SCAP: variants seen among roughly 807,000 people sequenced by gnomAD.
The protein encoded by SCAP is SREBF chaperone, also known as sterol regulatory element-binding protein cleavage-activating protein.
Under a neutral mutation model 123.6 loss-of-function variants are expected in SCAP, and 65 were observed. The observed-to-expected ratio is 0.53, with a 90% CI of 0.43 to 0.65. The LOEUF (loss-of-function observed/expected upper bound fraction) is 0.65, where lower values mean the gene tolerates loss of function less well. SCAP is among the 30% of genes least tolerant of loss of function. The pLI, the probability that SCAP is intolerant of heterozygous loss-of-function variation, is 0.00. For synonymous variants in SCAP, 740 were observed against 726.3 expected, an observed-to-expected ratio of 1.02 and a Z score of -0.30; for missense variants, 1,398 against 1,712.5, an observed-to-expected ratio of 0.82 and a Z score of 3.24.
chr3:47,430,922 A>G (rs1436392882), intron 3 of SCAP, among the ~76,000 whole-genome samples: 1 of 152,206 alleles, frequency 6.6e-6, no homozygotes, highest in Non-Finnish European at 1.5e-5. Flanking sequence ...GTTACAGCAT[A>G]GGCAAGGGCC....
intron 1 of SCAP, among the ~76,000 whole-genome samples, chr3:47,447,518 T>C (rs1707087890): frequency 6.6e-6 from 1 of 151,904 alleles, no homozygotes; most frequent in Non-Finnish European, 1.5e-5. Flanking sequence ...TGAAACCTCT[T>C]CTCTACTAAA....
chr3:47,445,437 G>C (rs1706996784), intron 1 of SCAP, among the ~76,000 whole-genome samples: 1 of 151,688 alleles, frequency 6.6e-6, no homozygotes. Flanking sequence ...TAGTAGAAAT[G>C]GGATTTCATC....
chr3:47,415,705 G>A (rs1296846059), intron 18 of SCAP, among the ~76,000 whole-genome samples: 2 of 152,198 alleles, frequency 1.3e-5, no homozygotes, highest in Non-Finnish European at 2.9e-5. Context: ...GACAGGCAGG[G>A]ATGGGTATAT....
At chr3:47,415,578 G>A (rs922676751) in intron 18 of SCAP, among the ~76,000 whole-genome samples, 3 of 152,092 alleles carry the variant, frequency 2.0e-5, no homozygotes, top group Admixed American at 2.0e-4. Context: ...TGGGTGTTGC[G>A]GAAGCCTGCA....
intron 1 of SCAP, among the ~76,000 whole-genome samples, chr3:47,467,192 A>T (rs959266682): frequency 1.3e-5 from 2 of 152,208 alleles, no homozygotes; most frequent in African/African-American, 4.8e-5. Context: ...CACAAATCAT[A>T]TATCTAACAA....
At position 47,475,894 on chromosome 3, in the gene SCAP, A is replaced by T. The variant is rs1227706561; in HGVS notation, c.-194T>A. On this transcript the variant is annotated 5_prime_UTR_variant, in exon 1 of 23. Transcript: ENST00000265565. ...CGCGGCGTGCGCGCTCTCGGCCCGC[A>T]GTCCGGTGCGTGGCGCCCTCCCTCT... The T allele has an allele frequency of 6.4e-6, 1 of 155,040 alleles. No individual in the cohort carries two copies. The highest frequency in any genetic ancestry group is 1.4e-5 in the Non-Finnish European group (1 of 70,226). The allele number at this position is 155,040 out of a possible 1,614,324, so 9.6% of individuals were successfully genotyped here.
intron 22 of SCAP, 32 bp from the exon 23 acceptor site, chr3:47,414,131 G>A: frequency 9.3e-6 from 15 of 1,613,530 alleles, no homozygotes; most frequent in Non-Finnish European, 1.3e-5. Context: ...GCTCAGTCCT[G>A]AGTCCTTCCC....
chr3:47,449,441 A>C (rs1357077299), intron 1 of SCAP, among the ~76,000 whole-genome samples: 1 of 124,594 alleles, frequency 8.0e-6, no homozygotes, highest in African/African-American at 2.8e-5. Flanking sequence ...GATTCCCTCC[A>C]TGCTCCTGGG....
At chr3:47,452,085 T>C (rs891027783) in intron 1 of SCAP, among the ~76,000 whole-genome samples, 2 of 152,358 alleles carry the variant, frequency 1.3e-5, no homozygotes, top group East Asian at 3.9e-4. Flanking sequence ...AGTAGTTCTC[T>C]TTATTGTTCC....
At chr3:47,426,728 G>A (rs959996677) in intron 6 of SCAP, among the ~76,000 whole-genome samples, 3 of 152,164 alleles carry the variant, frequency 2.0e-5, no homozygotes, top group African/African-American at 4.8e-5. Flanking sequence ...GAGCCACCGC[G>A]CCCGGCCTCC....
At chr3:47,423,462 C>T (rs1382390052) in intron 9 of SCAP, among the ~76,000 whole-genome samples, 2 of 152,224 alleles carry the variant, frequency 1.3e-5, no homozygotes, top group East Asian at 1.9e-4. Context: ...GGTGTGATCA[C>T]GGCTCACTGC....
chr3:47,465,175 T>C (rs977329124), intron 1 of SCAP, among the ~76,000 whole-genome samples: 1 of 151,904 alleles, frequency 6.6e-6, no homozygotes, highest in Non-Finnish European at 1.5e-5. Context: ...ATTCTTTTTT[T>C]TTTTTCTTTT....
intron 1 of SCAP, among the ~76,000 whole-genome samples, chr3:47,444,309 T>C (rs1706939086): frequency 6.6e-6 from 1 of 152,230 alleles, no homozygotes; most frequent in Admixed American, 6.5e-5. Flanking sequence ...TACTCACTGA[T>C]GAAAACCCAG....
At chr3:47,460,670 G>C (rs1707598668) in intron 1 of SCAP, among the ~76,000 whole-genome samples, 1 of 152,132 alleles carries the variant, frequency 6.6e-6, no homozygotes, top group African/African-American at 2.4e-5. Context: ...CGATTCTCCT[G>C]CCTCAGCCTC....
intron 1 of SCAP, among the ~76,000 whole-genome samples, chr3:47,452,667 T>C (rs12490383): frequency 0.15 from 22,495 of 152,176 alleles, 2,539 homozygotes; most frequent in East Asian, 0.48. Context: ...GAAATCTCTA[T>C]TTAACACACC....
At chr3:47,475,432 C>G (rs1469107273) in intron 1 of SCAP, 1 of 152,276 alleles carries the variant, frequency 6.6e-6, no homozygotes, top group Non-Finnish European at 1.5e-5. Flanking sequence ...CCTGCTCTCC[C>G]CCGCACTCCG....
At chr3:47,459,226 G>C (rs1433854049) in intron 1 of SCAP, among the ~76,000 whole-genome samples, 2 of 152,208 alleles carry the variant, frequency 1.3e-5, no homozygotes, top group Non-Finnish European at 2.9e-5. Context: ...GTACTTGTAG[G>C]AGCACAGCCA....
intron 3 of SCAP, among the ~76,000 whole-genome samples, chr3:47,432,755 G>A (rs1576275944): frequency 6.6e-6 from 1 of 152,216 alleles, no homozygotes; most frequent in South Asian, 2.1e-4. Context: ...ATGGCTCACT[G>A]CAGCCTTAAA....
rs757283481 is a variant in SCAP at position 47,423,916 on chromosome 3, C to A, written c.1150+17G>T. On this transcript the variant is annotated intron_variant, in intron 9 of 22. Coordinates refer to ENST00000265565, the MANE Select transcript of SCAP (RefSeq NM_012235.4). ...GCCCCTCCTGCAGCCCTCTGCCCAA[C>A]TCTCCCACTGCGTTACCTTGGGCGA... 1 of 1,587,426 alleles carries A rather than the reference C, an allele frequency of 6.3e-7. No individual in the cohort carries two copies. The highest frequency in any genetic ancestry group is 8.7e-7 in the Non-Finnish European group (1 of 1,155,982).
Sources: allele counts gnomAD v4.1 joint callset (sites outside exome capture counted in the v4.1 genomes callset), GRCh38; gene constraint gnomAD v4.1.1; transcripts MANE v1.5; gene names NCBI Gene and HGNC (gene_info 2026-07-23, HGNC 2026-07-21).